Variants in ANKK1 observed in about 807,000 individuals in gnomAD.
The protein encoded by ANKK1 is ankyrin repeat and protein kinase domain-containing protein 1.
ANKK1 carries 37 observed loss-of-function variants against 37.6 expected under a neutral mutation model. That is an observed-to-expected ratio of 0.98 (90% CI 0.76 to 1.29). The LOEUF (loss-of-function observed/expected upper bound fraction) is 1.29. Among genes scored for constraint, ANKK1 ranks in the 50% most tolerant of loss-of-function variants. The pLI is 0.00. For missense variants in ANKK1, 1,019 were observed against 990.6 expected (o/e 1.03, Z -0.39); for synonymous variants, 415 against 418.7 (o/e 0.99, Z 0.11).
Position 113,393,287 on chromosome 11 carries a change from T to C in ANKK1, c.186-194T>C, listed in dbSNP as rs928141137. On this transcript the variant is annotated intron_variant, in intron 1 of 7. Coordinates refer to ENST00000303941, the MANE Select transcript of ANKK1 (RefSeq NM_178510.2). ...CAAACTCCTTTACTTCCTGCCTTGT[T>C]GCTGCTGTACTGAAATCTAAGCGGC... is the stretch of plus-strand genomic sequence containing the variant. Among the ~76,000 whole-genome samples, 3 of 152,158 alleles carry C rather than the reference T, an allele frequency of 2.0e-5. No individual in the cohort carries two copies. In the East Asian group the frequency reaches 5.8e-4, roughly 29 times the overall value.
Position 113,393,776 on chromosome 11 carries a change from G to A in ANKK1, c.480+1G>A. Reference sequence around the variant, plus strand: ...CCTGGACAGCAACATGCATGTCAAAGTAAGGGCTCTGGCCAATCCTCCGCT... The same window carrying A: ...CCTGGACAGCAACATGCATGTCAAAATAAGGGCTCTGGCCAATCCTCCGCT... On this transcript the variant is annotated splice_donor_variant, in intron 2 of 7. Transcript: ENST00000303941. LOFTEE classifies it high-confidence loss of function. The A allele has an allele frequency of 6.3e-7, 1 of 1,597,784 alleles. No homozygotes were observed. The highest frequency in any genetic ancestry group is 8.5e-7 in the Non-Finnish European group (1 of 1,173,386).
In ANKK1 at chr11:113,395,953, G is replaced by A. The variant is rs930767006; in HGVS notation, c.683-114G>A. The A allele has an allele frequency of 3.3e-6, 4 of 1,218,482 alleles. No homozygotes were observed. In the African/African-American group the frequency reaches 6.0e-5, roughly 18 times the overall value. 75.5% of individuals were successfully genotyped at this position (1,218,482 alleles called of 1,614,324 possible). On this transcript the variant is annotated intron_variant, in intron 4 of 7. Coordinates refer to ENST00000303941, the MANE Select transcript of ANKK1 (RefSeq NM_178510.2). Reference sequence around the variant, plus strand: ...AGCTGTTTACTCACCAAGCATTTGTGGAGCCCCCACTGCGTGCATGCCCTG... The same window carrying A: ...AGCTGTTTACTCACCAAGCATTTGTAGAGCCCCCACTGCGTGCATGCCCTG...
chr11:113,395,452 C>T (rs937438841), intron 4 of ANKK1, 44 bp downstream of exon 4: 7 of 1,601,102 alleles, frequency 4.4e-6, no homozygotes, highest in Admixed American at 3.4e-5. Flanking sequence ...AGGAGGACCC[C>T]TGGGATGGGC....
chr11:113,396,776 C>T (rs751720683), intron 5 of ANKK1, among the ~76,000 whole-genome samples: 5 of 152,146 alleles, frequency 3.3e-5, no homozygotes, highest in Admixed American at 6.5e-5. Context: ...AGAAAACCCT[C>T]GGTGCCAAAA....
chr11:113,398,121 C>T, intron 7 of ANKK1, 105 bp downstream of exon 7: 2 of 1,335,708 alleles, frequency 1.5e-6, no homozygotes, highest in Non-Finnish European at 2.1e-6. Context: ...ATCCCCAGGC[C>T]TATCACACAT....
At position 113,400,015 on chromosome 11, in the gene ANKK1, C is replaced by T. The variant is rs368854368; in HGVS notation, c.2046C>T (p.His682=). The T allele has an allele frequency of 1.7e-5, 27 of 1,613,412 alleles. No individual in the cohort carries two copies. Among genetic ancestry groups the T allele is most frequent in the East Asian group, 4.5e-5 (2 of 44,870 alleles). ...FLSVINLLEH[H]ANVHARNKVG... Reference sequence around the variant, plus strand: ...GTGTCATCAACCTCCTAGAACATCACGCAAATGTCCACGCCCGCAACAAGG... The same window carrying T: ...GTGTCATCAACCTCCTAGAACATCATGCAAATGTCCACGCCCGCAACAAGG... The change falls in exon 8 of 8, where the codon CAC becomes CAT. Residue 682 remains histidine (H), a synonymous_variant. Transcript: ENST00000303941.
rs201489078 is a variant in ANKK1 at position 113,393,712 on chromosome 11, G to A, written c.417G>A (p.Pro139=). 2.7e-5 allele frequency: 43 copies of A among 1,613,562 alleles called. No homozygotes were observed. Among genetic ancestry groups the A allele is most frequent in the Middle Eastern group, 3.3e-4 (2 of 6,062 alleles). ...LAMNFLHSIK[P]PLLHLDLKPG... ...TGAACTTCCTGCACAGCATTAAGCCGCCTCTGCTCCACCTGGACCTCAAGC... is the reference window on the plus strand; with the variant it reads ...TGAACTTCCTGCACAGCATTAAGCCACCTCTGCTCCACCTGGACCTCAAGC... The change falls in exon 2 of 8, where the codon CCG becomes CCA. Residue 139 remains proline (P), a synonymous_variant. Transcript: ENST00000303941.
intron 6 of ANKK1, 93 bp from the exon 7 acceptor site, chr11:113,397,887 C>G: frequency 7.2e-7 from 1 of 1,392,886 alleles, no homozygotes; most frequent in Non-Finnish European, 1.0e-6. Context: ...TGACAGTGAC[C>G]GGGAAGGTTG....
At chr11:113,388,131 C>T (rs1950560886) in intron 1 of ANKK1, 62 bp downstream of exon 1, 8 of 1,427,552 alleles carry the variant, frequency 5.6e-6, no homozygotes, top group Middle Eastern at 4.1e-4. Flanking sequence ...AAGCTTTGGG[C>T]CCAGGGAGCT....
chr11:113,394,941 G>A lies in ANKK1; in HGVS notation c.493G>A (p.Gly165Ser), dbSNP rs577943707. The stretch of plus-strand genomic sequence containing the variant: ...TGCCTTCTCCCAGATTTCAGACTTC[G>A]GCCTGTCCAAGTGGATGGAACAGTC... ...SNMHVKISDF[G>S]LSKWMEQSTR... The change falls in exon 3 of 8, where the codon GGC becomes AGC. Residue 165 changes from glycine (G) to serine (S), a missense_variant. Gly to Ser is a moderately conservative substitution (Grantham distance 56). Transcript: ENST00000303941. 14 of 1,608,640 alleles carry A rather than the reference G, an allele frequency of 8.7e-6. No individual in the cohort carries two copies. Among genetic ancestry groups the A allele is most frequent in the Admixed American group, 6.7e-5 (4 of 59,806 alleles).
At chr11:113,395,812 T>C (rs1476110216) in intron 4 of ANKK1, among the ~76,000 whole-genome samples, 1 of 152,194 alleles carries the variant, frequency 6.6e-6, no homozygotes, top group Admixed American at 6.5e-5. Context: ...CTGCTGCCTT[T>C]GGACAGCACA....
At position 113,388,044 on chromosome 11, in the gene ANKK1, C is replaced by G; in HGVS notation, c.160C>G (p.Pro54Ala). The change falls in exon 1 of 8, where the codon CCC (proline) becomes GCC (alanine). Residue 54 changes from proline to alanine, a missense_variant. Coordinates refer to ENST00000303941, the MANE Select transcript of ANKK1 (RefSeq NM_178510.2). Reference protein sequence around the residue: ...WRTEYAIKCAPCLPPDAASSD... With the variant: ...WRTEYAIKCAACLPPDAASSD... ...GACGGAGTACGCCATCAAGTGCGCC[C>G]CCTGCCTTCCACCCGACGCCGCCAG... The G allele has an allele frequency of 6.5e-7, 1 of 1,528,056 alleles. No homozygotes were observed. Among genetic ancestry groups the G allele is most frequent in the Non-Finnish European group, 8.8e-7 (1 of 1,135,724 alleles). The allele number at this position is 1,528,056 out of a possible 1,614,324, so 94.7% of individuals were successfully genotyped here.
chr11:113,396,200 C>T lies in ANKK1; in HGVS notation c.816C>T (p.Pro272=). The T allele has an allele frequency of 6.2e-7, 1 of 1,613,948 alleles. No homozygotes were observed. Among genetic ancestry groups the T allele is most frequent in the Non-Finnish European group, 8.5e-7 (1 of 1,179,866 alleles). Residue 272 remains proline (P), a synonymous_variant, in exon 5 of 8, where the codon CCC becomes CCT. Coordinates refer to ENST00000303941, the MANE Select transcript of ANKK1 (RefSeq NM_178510.2). ...TGAAACGCTGCTGGGACCAGGACCCCAAGAAGAGGCCATGCTTTCTAGGTG... is the reference window on the plus strand; with the variant it reads ...TGAAACGCTGCTGGGACCAGGACCCTAAGAAGAGGCCATGCTTTCTAGGTG... ...DLMKRCWDQD[P]KKRPCFLDIT...
chr11:113,389,443 G>A (rs1313437556), intron 1 of ANKK1, among the ~76,000 whole-genome samples: 1 of 152,184 alleles, frequency 6.6e-6, no homozygotes, highest in Non-Finnish European at 1.5e-5. Context: ...GTCAGGCACT[G>A]TTCTACACCC....
rs2587553 is a variant in ANKK1, at chr11:113,399,748, C to G, written c.1779C>G (p.Gly593=). The G allele has an allele frequency of 1.6e-5, 26 of 1,602,974 alleles. No individual in the cohort carries two copies. The highest frequency in any genetic ancestry group is 1.6e-5 in the Non-Finnish European group (19 of 1,175,058). ...GASLELPTHQ[G]WTPLHLAAYK... ...GCCTTGAGCTGCCCACCCACCAGGG[C>G]TGGACACCCCTGCATCTAGCAGCCT... The change falls in exon 8 of 8, where the codon GGC becomes GGG. Residue 593 remains glycine, a synonymous_variant. Transcript: ENST00000303941.
chr11:113,394,839 A>G, intron 2 of ANKK1, 90 bp from the exon 3 acceptor site: 1 of 1,528,786 alleles, frequency 6.5e-7, no homozygotes, highest in South Asian at 1.2e-5. Context: ...ACCCTGGAAC[A>G]GGCAGATAGC....
chr11:113,393,386 C>T, intron 1 of ANKK1, 95 bp from the exon 2 acceptor site: 4 of 1,376,892 alleles, frequency 2.9e-6, no homozygotes, highest in Non-Finnish European at 4.0e-6. Flanking sequence ...TGTGGGTCCC[C>T]ACAGTCTGGC....
chr11:113,388,575 T>C (rs1253580071), intron 1 of ANKK1, among the ~76,000 whole-genome samples: 1 of 152,174 alleles, frequency 6.6e-6, no homozygotes, highest in Non-Finnish European at 1.5e-5. Context: ...TCCCAATCAG[T>C]GCAGGCTGAG....
chr11:113,399,193 C>A lies in ANKK1; in HGVS notation c.1224C>A (p.Pro408=). ...PLLIAAQDQQ[P]DLCALLLAHG... The stretch of plus-strand genomic sequence containing the variant: ...TGATCGCCGCCCAGGACCAGCAACC[C>A]GACCTCTGTGCCCTGCTTTTGGCAC... Residue 408 remains proline (P), a synonymous_variant, in exon 8 of 8, where the codon CCC becomes CCA. Transcript: ENST00000303941. 6.2e-7 allele frequency: 1 copy of A among 1,601,630 alleles called. No homozygotes were observed. The highest frequency in any genetic ancestry group is 8.5e-7 in the Non-Finnish European group (1 of 1,174,394).
Sources: allele counts gnomAD v4.1 joint callset (sites outside exome capture counted in the v4.1 genomes callset), GRCh38; gene constraint gnomAD v4.1.1; transcripts MANE v1.5; gene names NCBI Gene and HGNC (gene_info 2026-07-23, HGNC 2026-07-21).